Variants in ELF1 observed in about 807,000 individuals in gnomAD.
ELF1 encodes the protein E74 like ETS transcription factor 1, also known as ETS-related transcription factor Elf-1.
A neutral mutation model predicts 59.9 loss-of-function variants in ELF1; 24 were observed. The ratio of observed to expected loss-of-function variants is 0.40; its 90% CI spans 0.29 to 0.56. The LOEUF is 0.56. Among genes scored for constraint, ELF1 ranks in the 20% least tolerant of loss-of-function variants. ELF1 has a pLI of 0.44. For synonymous variants in ELF1, 248 were observed against 266.2 expected (o/e 0.93, Z 0.67); for missense variants, 627 against 742.2 (o/e 0.84, Z 1.80).
intron 2 of ELF1, among the ~76,000 whole-genome samples, chr13:40,965,764 A>G (rs1028557712): frequency 1.3e-5 from 2 of 152,262 alleles, no homozygotes; most frequent in African/African-American, 4.8e-5. Context: ...CATTTAAATA[A>G]TTAGATTAAG....
intron 1 of ELF1, among the ~76,000 whole-genome samples, chr13:41,057,467 T>G (rs1187916763): frequency 6.6e-6 from 1 of 151,990 alleles, no homozygotes; most frequent in East Asian, 1.9e-4. Context: ...GATCCTGAGA[T>G]CCTGGCTTAC....
upstream of ELF1, chr13:41,019,356 T>C (rs1037017850): frequency 4.0e-5 from 39 of 985,320 alleles, no homozygotes; most frequent in African/African-American, 5.9e-4. Flanking sequence ...GAGTCATACA[T>C]GAAACCAAGT....
intron 2 of ELF1, among the ~76,000 whole-genome samples, chr13:40,959,400 G>A (rs1354979595): frequency 6.6e-6 from 1 of 152,054 alleles, no homozygotes; most frequent in Non-Finnish European, 1.5e-5. Flanking sequence ...GGAGGCTGAG[G>A]CAGGAGAATC....
At chr13:40,983,201 T>C (rs980128982) in intron 1 of ELF1, among the ~76,000 whole-genome samples, 5 of 152,020 alleles carry the variant, frequency 3.3e-5, no homozygotes, top group African/African-American at 4.8e-5. Context: ...AAAAGAAAGA[T>C]ACAAAAATAA....
intron 1 of ELF1, among the ~76,000 whole-genome samples, chr13:41,045,138 A>C (rs1876787803): frequency 6.6e-6 from 1 of 150,786 alleles, no homozygotes; most frequent in Non-Finnish European, 1.5e-5. Context: ...ATCAGTTGTG[A>C]TATCCCCTTT....
chr13:41,042,303 TC>T (rs1194645951), intron 1 of ELF1, among the ~76,000 whole-genome samples: 8 of 150,762 alleles, frequency 5.3e-5, no homozygotes, highest in East Asian at 3.9e-4. Flanking sequence ...TTTTTCTTTT[TC>T]TTTTTTTTTT....
intron 2 of ELF1, among the ~76,000 whole-genome samples, chr13:40,962,904 T>C (rs1421002595): frequency 1.3e-5 from 2 of 152,178 alleles, no homozygotes; most frequent in Non-Finnish European, 2.9e-5. Flanking sequence ...TTTGAATTCA[T>C]GGATTCTACT....
chr13:40,995,165 G>A (rs1410263206), intron 1 of ELF1, among the ~76,000 whole-genome samples: 2 of 152,152 alleles, frequency 1.3e-5, no homozygotes, highest in African/African-American at 4.8e-5. Flanking sequence ...ATTATTAGGT[G>A]AAATGCTCTT....
intron 7 of ELF1, 72 bp downstream of exon 7, chr13:40,942,880 A>C (rs1289097767): frequency 8.6e-6 from 12 of 1,400,822 alleles, no homozygotes; most frequent in Non-Finnish European, 1.0e-5. Context: ...TGCTGAACTT[A>C]AGCTTAGTAT....
chr13:41,007,701 T>G (rs1874832042), intron 1 of ELF1, among the ~76,000 whole-genome samples: 1 of 152,200 alleles, frequency 6.6e-6, no homozygotes, highest in African/African-American at 2.4e-5. Context: ...AACATAAACT[T>G]TAATAAAAGT....
chr13:40,946,972 G>A (rs1870545378), intron 5 of ELF1, among the ~76,000 whole-genome samples: 2 of 151,894 alleles, frequency 1.3e-5, no homozygotes, highest in Non-Finnish European at 2.9e-5. Flanking sequence ...TTTTCTTCTG[G>A]CTTCCCTCTT....
chr13:40,958,846 G>A lies in ELF1; in HGVS notation c.243C>T (p.Ile81=), dbSNP rs1190813303. The A allele has an allele frequency of 5.0e-6, 8 of 1,611,064 alleles. No homozygotes were observed. In the South Asian group the frequency reaches 8.8e-5, roughly 18 times the overall value. Residue 81 remains isoleucine, a synonymous_variant, in exon 3 of 9, where the codon ATC becomes ATT. Coordinates refer to ENST00000239882, the MANE Select transcript of ELF1 (RefSeq NM_172373.4). ...EEIIDDDDDD[I]TLTVEASCHD... ...TGGAGACACACGCACCTGTAAGGGT[G>A]ATGTCATCATCATCATCGTCTATGA...
chr13:40,935,398 T>C (rs1869696798), intron 8 of ELF1, among the ~76,000 whole-genome samples: 1 of 152,204 alleles, frequency 6.6e-6, no homozygotes, highest in Admixed American at 6.5e-5. Flanking sequence ...TTTTGAAAGT[T>C]AGTTATGCAG....
intron 8 of ELF1, among the ~76,000 whole-genome samples, chr13:40,935,111 T>C (rs1308050595): frequency 3.9e-5 from 6 of 152,328 alleles, no homozygotes; most frequent in Admixed American, 3.3e-4. Context: ...TTTATGTAGG[T>C]TGTTAATCCC....
At chr13:40,983,310 T>G (rs1873382808) in intron 1 of ELF1, among the ~76,000 whole-genome samples, 1 of 152,150 alleles carries the variant, frequency 6.6e-6, no homozygotes, top group South Asian at 2.1e-4. Flanking sequence ...GGCCAGTAAT[T>G]TCCTAATAAT....
At chr13:40,980,710 C>A (rs1873208455) in intron 2 of ELF1, among the ~76,000 whole-genome samples, 1 of 152,198 alleles carries the variant, frequency 6.6e-6, no homozygotes, top group African/African-American at 2.4e-5. Flanking sequence ...CAGCATCTTT[C>A]ATTTAAGAGG....
chr13:41,010,184 T>C (rs1392903626), intron 1 of ELF1, among the ~76,000 whole-genome samples: 1 of 146,298 alleles, frequency 6.8e-6, no homozygotes, highest in Non-Finnish European at 1.5e-5. Context: ...GATAAGAGGA[T>C]CGATTGAGCC....
intron 8 of ELF1, among the ~76,000 whole-genome samples, chr13:40,934,569 T>C (rs1210312783): frequency 6.6e-6 from 1 of 151,908 alleles, no homozygotes; most frequent in Non-Finnish European, 1.5e-5. Context: ...TATAGTCACG[T>C]GCCACCACGC....
intron 2 of ELF1, among the ~76,000 whole-genome samples, chr13:40,975,476 A>G (rs1339560407): frequency 1.3e-5 from 2 of 152,246 alleles, no homozygotes; most frequent in East Asian, 3.8e-4. Context: ...AATGTGAACA[A>G]CTGTCATTTA....
Sources: gnomAD v4.1 joint callset for allele counts (sites outside exome capture counted in the v4.1 genomes callset) on GRCh38, gnomAD v4.1.1 for gene constraint, MANE v1.5 for transcripts, NCBI Gene and HGNC (gene_info 2026-07-23, HGNC 2026-07-21) for gene names.